RABGAP1L: variants seen among roughly 807,000 people sequenced by gnomAD.
RABGAP1L encodes the protein rab GTPase-activating protein 1-like.
Under a neutral mutation model 137.7 loss-of-function variants are expected in RABGAP1L, and 63 were observed. The observed-to-expected ratio is 0.46, with a 90% confidence interval of 0.37 to 0.56. The LOEUF (loss-of-function observed/expected upper bound fraction) is 0.56. RABGAP1L is among the 20% of genes least tolerant of loss of function. The pLI is 0.00. For missense variants in RABGAP1L, 1,095 were observed against 1,244.0 expected (o/e 0.88, Z 1.80); for synonymous variants, 431 against 433.7 (o/e 0.99, Z 0.08).
intron 11 of RABGAP1L, among the ~76,000 whole-genome samples, chr1:174,314,964 G>T (rs2148808564): frequency 6.6e-6 from 1 of 152,204 alleles, no homozygotes; most frequent in East Asian, 1.9e-4. Context: ...TATGTATTCT[G>T]CAGCCATTGG....
At chr1:174,176,480 C>A (rs191578055) in intron 1 of RABGAP1L, among the ~76,000 whole-genome samples, 2 of 149,960 alleles carry the variant, frequency 1.3e-5, no homozygotes, top group Admixed American at 6.6e-5. Context: ...GAGGCCGAGG[C>A]GGGCGGATCG....
chr1:174,325,513 G>T (rs190743111), intron 11 of RABGAP1L, among the ~76,000 whole-genome samples: 170 of 152,324 alleles, frequency 1.1e-3, no homozygotes, highest in Middle Eastern at 3.4e-3. Context: ...TGAATAAACT[G>T]TAGTTGGAAG....
At chr1:174,512,184 T>C (rs1348720181) in intron 13 of RABGAP1L, among the ~76,000 whole-genome samples, 3 of 152,184 alleles carry the variant, frequency 2.0e-5, no homozygotes, top group Non-Finnish European at 2.9e-5. Flanking sequence ...CTTCATTATA[T>C]TTATGCACAA....
intron 19 of RABGAP1L, among the ~76,000 whole-genome samples, chr1:174,957,118 CAG>C (rs958174191): frequency 6.6e-6 from 1 of 152,144 alleles, no homozygotes. Flanking sequence ...TTATTTATAA[CAG>C]AGGTGGACAA....
intron 13 of RABGAP1L, among the ~76,000 whole-genome samples, chr1:174,499,246 AC>A (rs1160451914): frequency 7.0e-6 from 1 of 143,264 alleles, no homozygotes; most frequent in African/African-American, 2.5e-5. Context: ...TAAGTTAAAA[AC>A]ACTTAAATTA....
intron 13 of RABGAP1L, among the ~76,000 whole-genome samples, chr1:174,601,752 C>T (rs1177920366): frequency 1.3e-5 from 2 of 152,092 alleles, no homozygotes; most frequent in East Asian, 1.9e-4. Context: ...AAACAGAATG[C>T]TTTTAAAAGC....
intron 13 of RABGAP1L, among the ~76,000 whole-genome samples, chr1:174,525,210 T>A (rs1329094452): frequency 6.6e-6 from 1 of 152,124 alleles, no homozygotes; most frequent in East Asian, 1.9e-4. Context: ...GGGATCGAAT[T>A]AAATTTTAGA....
Position 174,991,606 on chromosome 1 carries a change from T to C in RABGAP1L, c.*1605T>C, listed in dbSNP as rs1410860049. The stretch of plus-strand genomic sequence containing the variant: ...TCTACAGCCCATAAAACTGATGTGA[T>C]TGTTATGTTATACTCATCAGATAAT... On this transcript the variant is annotated 3_prime_UTR_variant, in exon 26 of 26. Transcript: ENST00000681986. 2 of 152,248 alleles carry C rather than the reference T, an allele frequency of 1.3e-5. No homozygotes were observed. Among genetic ancestry groups the C allele is most frequent in the African/African-American group, 2.4e-5 (1 of 41,460 alleles). 9.4% of individuals were successfully genotyped at this position (152,248 alleles called of 1,614,324 possible).
intron 13 of RABGAP1L, among the ~76,000 whole-genome samples, chr1:174,456,110 GA>G: frequency 6.6e-6 from 1 of 151,926 alleles, no homozygotes; most frequent in East Asian, 1.9e-4. Flanking sequence ...TGTGACATAG[GA>G]AAAATTATTT....
At chr1:174,196,964 A>G (rs897816587) in intron 1 of RABGAP1L, among the ~76,000 whole-genome samples, 3 of 152,334 alleles carry the variant, frequency 2.0e-5, no homozygotes, top group Admixed American at 6.5e-5. Context: ...ACAAAGGTAG[A>G]TATAGATCAT....
intron 13 of RABGAP1L, among the ~76,000 whole-genome samples, chr1:174,582,980 T>A (rs1312286601): frequency 6.6e-6 from 1 of 152,196 alleles, no homozygotes; most frequent in African/African-American, 2.4e-5. Flanking sequence ...GATTTCAAAT[T>A]ATGTAAATCT....
At chr1:174,614,383 G>A (rs917034850) in intron 13 of RABGAP1L, among the ~76,000 whole-genome samples, 9 of 152,006 alleles carry the variant, frequency 5.9e-5, no homozygotes, top group Admixed American at 1.3e-4. Context: ...TTGAATATTG[G>A]CCCCCACTCT....
At chr1:174,195,604 T>TCTTC (rs1558020935) in intron 1 of RABGAP1L, among the ~76,000 whole-genome samples, 1 of 75,954 alleles carries the variant, frequency 1.3e-5, no homozygotes, top group Non-Finnish European at 2.5e-5. Context: ...TTTCTTTCTT[T>TCTTC]CTTTCTTTCT....
intron 13 of RABGAP1L, among the ~76,000 whole-genome samples, chr1:174,565,341 C>T (rs1003213114): frequency 4.6e-5 from 7 of 152,154 alleles, no homozygotes; most frequent in African/African-American, 1.7e-4. Flanking sequence ...ATATACGTGG[C>T]TGTACATTGA....
chr1:174,985,763 CA>C (rs1030039769), intron 24 of RABGAP1L, among the ~76,000 whole-genome samples: 1 of 152,014 alleles, frequency 6.6e-6, no homozygotes, highest in African/African-American at 2.4e-5. Context: ...ATAGGGAACC[CA>C]AAATAGCATT....
intron 19 of RABGAP1L, among the ~76,000 whole-genome samples, chr1:174,900,077 A>G (rs1163738367): frequency 6.6e-6 from 1 of 152,244 alleles, no homozygotes. Context: ...AGCAATTGCA[A>G]CTGTCCACCA....
chr1:174,269,640 A>G (rs1674389302), intron 7 of RABGAP1L, among the ~76,000 whole-genome samples: 1 of 152,246 alleles, frequency 6.6e-6, no homozygotes, highest in African/African-American at 2.4e-5. Flanking sequence ...ATATAATAGC[A>G]TCATCAGCTC....
Position 174,550,895 on chromosome 1 carries a change from T to TATATATACAC in RABGAP1L, c.1711-86479_1711-86478insTATATACACA, listed in dbSNP as rs1456087584. Reference sequence around the variant, plus strand: ...ATATATATATATATATATATATATATACACACACACATATACACACACACA... The same window carrying TATATATACAC: ...ATATATATATATATATATATATATATATATATACACACACACACACATATACACACACACA... On this transcript the variant is annotated intron_variant, in intron 13 of 25. Transcript: ENST00000681986. 8.2e-4 allele frequency among the ~76,000 whole-genome samples: 42 copies of TATATATACAC among 50,930 alleles called. 1 individual carries two copies. Among genetic ancestry groups the TATATATACAC allele is most frequent in the Non-Finnish European group, 1.0e-3 (29 of 28,624 alleles). 33.4% of individuals were successfully genotyped at this position (50,930 alleles called of 152,430 possible). A position where few individuals can be genotyped will look rare whatever the true frequency, so the allele number is the denominator to read the frequency against.
At chr1:174,284,734 C>CTTTTTTTTTT (rs59344382) in intron 10 of RABGAP1L, among the ~76,000 whole-genome samples, 4 of 42,620 alleles carry the variant, frequency 9.4e-5, no homozygotes, top group Non-Finnish European at 1.4e-4. Context: ...TATTTCTTGT[C>CTTTTTTTTTT]TTTTTTTTTT....
Sources: gnomAD v4.1 joint callset for allele counts (sites outside exome capture counted in the v4.1 genomes callset) on GRCh38, gnomAD v4.1.1 for gene constraint, MANE v1.5 for transcripts, NCBI Gene and HGNC (gene_info 2026-07-23, HGNC 2026-07-21) for gene names.